The following CNBD1 variants were observed in gnomAD, a reference collection of about 807,000 sequenced individuals.
CNBD1 encodes the protein cyclic nucleotide-binding domain-containing protein 1.
In CNBD1, 71 loss-of-function variants were observed where a neutral mutation model predicts 54.4. That is an observed-to-expected ratio of 1.30 (90% CI 1.08 to 1.59). CNBD1 has a LOEUF of 1.59. Among genes scored for constraint, CNBD1 ranks in the 40% most tolerant of loss-of-function variants. CNBD1 has a pLI of 0.00. For missense variants in CNBD1, 659 were observed against 518.0 expected (o/e 1.27, Z -2.64); for synonymous variants, 182 against 170.7 (o/e 1.07, Z -0.51).
intron 4 of CNBD1, among the ~76,000 whole-genome samples, chr8:87,137,138 A>T (rs909055093): frequency 5.2e-4 from 71 of 135,556 alleles, no homozygotes; most frequent in Non-Finnish European, 1.0e-3. Flanking sequence ...TATATAAATT[A>T]TATATATATT....
intron 4 of CNBD1, among the ~76,000 whole-genome samples, chr8:87,106,813 T>C (rs1163832865): frequency 1.4e-4 from 21 of 152,124 alleles, no homozygotes; most frequent in Admixed American, 1.4e-3. Context: ...CATCCTGGGC[T>C]GCTTCTGTTT....
intron 8 of CNBD1, among the ~76,000 whole-genome samples, chr8:87,321,792 T>C (rs903911719): frequency 3.4e-5 from 2 of 58,846 alleles, no homozygotes; most frequent in Non-Finnish European, 8.5e-5. Flanking sequence ...GGCTTTTTTC[T>C]TTTTCTTTTT....
chr8:86,984,599 C>T (rs1808562412), intron 4 of CNBD1, among the ~76,000 whole-genome samples: 1 of 152,170 alleles, frequency 6.6e-6, no homozygotes, highest in African/African-American at 2.4e-5. Context: ...CCACCTCTTG[C>T]ATCAGTGTGA....
intron 4 of CNBD1, among the ~76,000 whole-genome samples, chr8:87,198,465 G>C (rs955986048): frequency 1.3e-5 from 2 of 152,066 alleles, no homozygotes; most frequent in Non-Finnish European, 2.9e-5. Context: ...AAATAGCAAA[G>C]GTATCCCATA....
chr8:87,032,084 CTTTG>C (rs542532759), intron 4 of CNBD1, among the ~76,000 whole-genome samples: 294 of 152,306 alleles, frequency 1.9e-3, no homozygotes, highest in African/African-American at 6.3e-3. Flanking sequence ...TTTGTTTCAA[CTTTG>C]TTTGAAGACA....
intron 6 of CNBD1, among the ~76,000 whole-genome samples, chr8:87,263,759 A>G (rs978958410): frequency 1.3e-5 from 2 of 152,110 alleles, no homozygotes; most frequent in African/African-American, 4.8e-5. Context: ...TATACTCAAC[A>G]TATAAATATA....
chr8:87,362,394 A>G (rs1164669450), intron 10 of CNBD1, among the ~76,000 whole-genome samples: 2 of 152,122 alleles, frequency 1.3e-5, no homozygotes, highest in Non-Finnish European at 2.9e-5. Context: ...TAGCTATTGT[A>G]CACACTGCCC....
chr8:87,013,238 T>A (rs1809262104), intron 4 of CNBD1, among the ~76,000 whole-genome samples: 1 of 152,178 alleles, frequency 6.6e-6, no homozygotes. Context: ...TAAGCTGGTT[T>A]TCCCTAGGAA....
At chr8:87,314,996 G>A (rs563582858) in intron 8 of CNBD1, among the ~76,000 whole-genome samples, 10 of 152,062 alleles carry the variant, frequency 6.6e-5, no homozygotes, top group African/African-American at 2.2e-4. Context: ...GGATTTTTTG[G>A]TTGTTATATT....
intron 8 of CNBD1, among the ~76,000 whole-genome samples, chr8:87,343,989 T>C (rs573373956): frequency 6.6e-6 from 1 of 152,238 alleles, no homozygotes; most frequent in Non-Finnish European, 1.5e-5. Context: ...TTTTTCATGC[T>C]CTTTGCTTAG....
At position 87,035,667 on chromosome 8, in the gene CNBD1, A is replaced by T. The variant is rs1201972637; in HGVS notation, c.431+95913A>T. ...CTTGAATGTGTTTGTGGCAGTTATG[A>T]TGAGGTTTGGCTTTAATACAGATCA... On this transcript the variant is annotated intron_variant, in intron 4 of 10. Coordinates refer to ENST00000518476, the MANE Select transcript of CNBD1 (RefSeq NM_173538.3). 2.0e-5 allele frequency among the ~76,000 whole-genome samples: 3 copies of T among 152,206 alleles called. No individual in the cohort carries two copies. In the East Asian group the frequency reaches 5.8e-4, roughly 29 times the overall value.
intron 8 of CNBD1, among the ~76,000 whole-genome samples, chr8:87,300,789 A>G (rs1808972340): frequency 2.0e-5 from 3 of 152,074 alleles, no homozygotes; most frequent in African/African-American, 4.8e-5. Flanking sequence ...CTGATTGGAG[A>G]TCTGAATTTT....
At chr8:87,320,070 A>T (rs1289308217) in intron 8 of CNBD1, among the ~76,000 whole-genome samples, 1 of 152,104 alleles carries the variant, frequency 6.6e-6, no homozygotes, top group Non-Finnish European at 1.5e-5. Flanking sequence ...TCTGAACAAA[A>T]ATATATTGAG....
chr8:86,973,877 GA>G (rs1808279905), intron 4 of CNBD1, among the ~76,000 whole-genome samples: 2 of 152,136 alleles, frequency 1.3e-5, no homozygotes, highest in Non-Finnish European at 2.9e-5. Context: ...GCTGATTTCG[GA>G]GAGTGACTTG....
rs1022328670 is a variant in CNBD1 at position 87,201,758 on chromosome 8, TA to T, written c.432-4227del. 2.6e-5 allele frequency among the ~76,000 whole-genome samples: 4 copies of T among 152,138 alleles called. No individual in the cohort carries two copies. The South Asian group carries it at 8.3e-4, about 32-fold the overall frequency. ...TTCAGAGGTTGAAAAACTTAATTTTTAAAAAAAATTATTTATTTTTTGAGAT... is the reference window on the plus strand; with the variant it reads ...TTCAGAGGTTGAAAAACTTAATTTTTAAAAAAATTATTTATTTTTTGAGAT... On this transcript the variant is annotated intron_variant, in intron 4 of 10. Coordinates refer to ENST00000518476, the MANE Select transcript of CNBD1 (RefSeq NM_173538.3).
At chr8:87,226,119 A>G (rs1378736519) in intron 5 of CNBD1, among the ~76,000 whole-genome samples, 1 of 151,476 alleles carries the variant, frequency 6.6e-6, no homozygotes, top group South Asian at 2.1e-4. Flanking sequence ...CATCTGTTTG[A>G]TTCTTCTCTC....
intron 8 of CNBD1, among the ~76,000 whole-genome samples, chr8:87,309,230 C>T (rs1471220904): frequency 2.0e-5 from 3 of 152,108 alleles, no homozygotes; most frequent in Non-Finnish European, 4.4e-5. Context: ...CCTTTTTCTG[C>T]ATTCTCATCA....
At chr8:87,364,293 T>C (rs1353049000) in intron 10 of CNBD1, among the ~76,000 whole-genome samples, 1 of 151,738 alleles carries the variant, frequency 6.6e-6, no homozygotes, top group Admixed American at 6.6e-5. Flanking sequence ...AAAACAATGA[T>C]GACCTTGATA....
intron 10 of CNBD1, among the ~76,000 whole-genome samples, chr8:87,360,269 T>A (rs1400727209): frequency 6.6e-6 from 1 of 151,978 alleles, no homozygotes; most frequent in Non-Finnish European, 1.5e-5. Context: ...TATAGTAAGA[T>A]GTATGCAGCA....
Sources: gnomAD v4.1 joint callset for allele counts (sites outside exome capture counted in the v4.1 genomes callset) on GRCh38, gnomAD v4.1.1 for gene constraint, MANE v1.5 for transcripts, NCBI Gene and HGNC (gene_info 2026-07-23, HGNC 2026-07-21) for gene names.